NRXN3: variants seen among roughly 807,000 people sequenced by gnomAD.
NRXN3 encodes neurexin 3, also known as neurexin III.
NRXN3 carries 32 observed loss-of-function variants against 137.6 expected under a neutral mutation model. The observed-to-expected ratio is 0.23, with a 90% CI of 0.18 to 0.31. The LOEUF is 0.31. NRXN3 is among the 10% of genes least tolerant of loss of function. The pLI is 1.00. For synonymous variants in NRXN3, 798 were observed against 784.5 expected (o/e 1.02, Z -0.29); for missense variants, 1,574 against 2,062.5 (o/e 0.76, Z 4.59).
At chr14:79,755,369 G>T (rs2099015747) in intron 19 of NRXN3, among the ~76,000 whole-genome samples, 1 of 151,782 alleles carries the variant, frequency 6.6e-6, no homozygotes. Context: ...GCATCTATCT[G>T]TATCTACATA....
At chr14:79,608,999 C>T (rs1394520842) in intron 16 of NRXN3, among the ~76,000 whole-genome samples, 4 of 152,144 alleles carry the variant, frequency 2.6e-5, no homozygotes, top group Non-Finnish European at 5.9e-5. Context: ...TTGACTACAT[C>T]CCTCAAAGAG....
At chr14:79,444,098 A>G (rs1160489534) in intron 15 of NRXN3, among the ~76,000 whole-genome samples, 2 of 152,218 alleles carry the variant, frequency 1.3e-5, no homozygotes, top group Non-Finnish European at 2.9e-5. Context: ...TGTGAATGCC[A>G]TGAAGTAGTG....
intron 15 of NRXN3, among the ~76,000 whole-genome samples, chr14:79,416,877 C>A (rs1394026085): frequency 6.6e-6 from 1 of 152,108 alleles, no homozygotes; most frequent in East Asian, 1.9e-4. Flanking sequence ...GTTGAAAGGT[C>A]ATCAACCAGA....
chr14:79,835,543 T>G lies in NRXN3; in HGVS notation c.4094-25799T>G, dbSNP rs929334521. ...TCCATTTCTCCATATATACATTTTT[T>G]GGGGCTCTGTTCTGGGATTTAGGGC... On this transcript the variant is annotated intron_variant, in intron 20 of 20. Coordinates refer to ENST00000335750, the MANE Select transcript of NRXN3 (RefSeq NM_001330195.2). Among the ~76,000 whole-genome samples the G allele has an allele frequency of 2.7e-4, 41 of 152,320 alleles. No homozygotes were observed. The Middle Eastern group carries it at 0.01, about 38-fold the overall frequency.
intron 15 of NRXN3, among the ~76,000 whole-genome samples, chr14:79,464,308 T>C (rs2096393208): frequency 1.3e-5 from 2 of 152,312 alleles, no homozygotes; most frequent in South Asian, 2.1e-4. Flanking sequence ...TCATCTAACA[T>C]AGTGACATCA....
chr14:78,951,929 G>A (rs758748104), intron 10 of NRXN3, among the ~76,000 whole-genome samples: 1 of 152,150 alleles, frequency 6.6e-6, no homozygotes, highest in Non-Finnish European at 1.5e-5. Context: ...TGTTATATGT[G>A]GCAGTCTCAA....
chr14:78,989,429 G>A (rs925232), intron 15 of NRXN3, among the ~76,000 whole-genome samples: 174 of 152,234 alleles, frequency 1.1e-3, no homozygotes, highest in Non-Finnish European at 2.0e-3. Context: ...GAAACAAGTG[G>A]AGAAGTTGGC....
intron 17 of NRXN3, among the ~76,000 whole-genome samples, chr14:79,684,957 G>C (rs2098688999): frequency 6.6e-6 from 1 of 152,106 alleles, no homozygotes; most frequent in Non-Finnish European, 1.5e-5. Flanking sequence ...TAACACTGTG[G>C]CTTTTGCAGC....
At chr14:79,565,325 G>GTATATA (rs780709527) in intron 16 of NRXN3, among the ~76,000 whole-genome samples, 48 of 139,552 alleles carry the variant, frequency 3.4e-4, no homozygotes, top group South Asian at 2.3e-3. Context: ...ACATGTGTGT[G>GTATATA]TATATATATA....
Position 78,173,689 on chromosome 14 carries a change from C to T in NRXN3, c.-704+3015C>T, listed in dbSNP as rs868609870. Among the ~76,000 whole-genome samples the T allele has an allele frequency of 1.7e-3, 149 of 88,716 alleles. 3 individuals are homozygous for T. The highest frequency in any genetic ancestry group is 6.1e-3 in the African/African-American group (142 of 23,336). 58.2% of individuals were successfully genotyped at this position (88,716 alleles called of 152,430 possible). A position where few individuals can be genotyped will look rare whatever the true frequency, so the allele number is the denominator to read the frequency against. On this transcript the variant is annotated intron_variant, in intron 1 of 20. Transcript: ENST00000335750. Reference sequence around the variant, plus strand: ...TTCTGATTTTGATGGCTCTGCGGCTCTTTTTTCCCTTTTTCCTTGCTTTTT... The same window carrying T: ...TTCTGATTTTGATGGCTCTGCGGCTTTTTTTTCCCTTTTTCCTTGCTTTTT...
intron 10 of NRXN3, among the ~76,000 whole-genome samples, chr14:78,860,373 C>T (rs1397868805): frequency 6.6e-6 from 1 of 152,128 alleles, no homozygotes; most frequent in Non-Finnish European, 1.5e-5. Context: ...ATTCTACCCT[C>T]TATGCCCTCC....
chr14:79,504,637 T>TATATATATATA (rs2096855249), intron 16 of NRXN3, among the ~76,000 whole-genome samples: 1 of 61,532 alleles, frequency 1.6e-5, no homozygotes, highest in African/African-American at 1.0e-4. Context: ...TAAAATGAAG[T>TATATATATATA]TTTTTATATA....
chr14:78,621,920 A>G (rs936735389), intron 4 of NRXN3, among the ~76,000 whole-genome samples: 5 of 152,230 alleles, frequency 3.3e-5, no homozygotes, highest in Non-Finnish European at 7.3e-5. Flanking sequence ...AATGATTTAC[A>G]TAGAGGGTAT....
chr14:78,997,422 A>G (rs2099532269), intron 15 of NRXN3, among the ~76,000 whole-genome samples: 1 of 152,132 alleles, frequency 6.6e-6, no homozygotes, highest in Non-Finnish European at 1.5e-5. Flanking sequence ...ATCCACTTAG[A>G]GCCTATTGCT....
At chr14:79,507,279 G>C (rs1210370339) in intron 16 of NRXN3, among the ~76,000 whole-genome samples, 3 of 152,018 alleles carry the variant, frequency 2.0e-5, no homozygotes, top group Non-Finnish European at 2.9e-5. Flanking sequence ...TCCTAGATTA[G>C]CTCATCTATC....
At chr14:79,618,858 G>C (rs2098190825) in intron 16 of NRXN3, among the ~76,000 whole-genome samples, 1 of 151,812 alleles carries the variant, frequency 6.6e-6, no homozygotes. Context: ...TCCAACATCT[G>C]TTTTTTTGTT....
At chr14:79,790,577 G>A (rs2099141956) in intron 19 of NRXN3, among the ~76,000 whole-genome samples, 1 of 143,926 alleles carries the variant, frequency 6.9e-6, no homozygotes, top group South Asian at 2.2e-4. Flanking sequence ...CAAAAGTTCT[G>A]TAATTACAGG....
At chr14:78,363,748 A>G (rs1829693204) in intron 4 of NRXN3, among the ~76,000 whole-genome samples, 1 of 152,200 alleles carries the variant, frequency 6.6e-6, no homozygotes, top group South Asian at 2.1e-4. Flanking sequence ...TACCTTCTCA[A>G]GGCTCCTGAT....
intron 15 of NRXN3, chr14:79,280,959 G>C (rs2081187131): frequency 5.8e-6 from 1 of 172,832 alleles, no homozygotes; most frequent in Non-Finnish European, 1.2e-5. Flanking sequence ...GGGGTGGGGT[G>C]GGAATAGCTG....
Sources: allele counts gnomAD v4.1 joint callset (sites outside exome capture counted in the v4.1 genomes callset), GRCh38; gene constraint gnomAD v4.1.1; transcripts MANE v1.5; gene names NCBI Gene and HGNC (gene_info 2026-07-23, HGNC 2026-07-21).